QRFPR: variants seen among roughly 807,000 people sequenced by gnomAD.
The protein encoded by QRFPR is pyroglutamylated RF-amide peptide receptor.
QRFPR carries 37 observed loss-of-function variants against 31.3 expected under a neutral mutation model. The observed-to-expected ratio is 1.18, with a 90% CI of 0.91 to 1.56. The LOEUF is 1.56. Ranked by LOEUF, QRFPR falls within the 40% of genes most tolerant of loss-of-function variation. The pLI, the probability that QRFPR is intolerant of heterozygous loss-of-function variation, is 0.00. For missense variants in QRFPR, 542 were observed against 532.5 expected, an observed-to-expected ratio of 1.02 and a Z score of -0.18; for synonymous variants, 197 against 192.0, an observed-to-expected ratio of 1.03 and a Z score of -0.22.
intron 1 of QRFPR, among the ~76,000 whole-genome samples, chr4:121,343,555 T>C (rs1725584634): frequency 6.6e-6 from 1 of 152,244 alleles, no homozygotes; most frequent in African/African-American, 2.4e-5. Flanking sequence ...GAATAGTTAC[T>C]ATACTGTGAA....
chr4:121,374,733 A>G (rs1228530565), intron 1 of QRFPR, among the ~76,000 whole-genome samples: 1 of 152,248 alleles, frequency 6.6e-6, no homozygotes, highest in East Asian at 1.9e-4. Context: ...GAATTCTCAT[A>G]TCAGCTGCTG....
intron 1 of QRFPR, among the ~76,000 whole-genome samples, chr4:121,346,399 T>C (rs141472443): frequency 1.3e-5 from 2 of 152,336 alleles, no homozygotes; most frequent in Non-Finnish European, 1.5e-5. Context: ...TTATCTTATA[T>C]GCTGTGACCT....
intron 1 of QRFPR, among the ~76,000 whole-genome samples, chr4:121,376,471 A>G (rs1424029877): frequency 6.6e-6 from 1 of 152,102 alleles, no homozygotes; most frequent in East Asian, 1.9e-4. Flanking sequence ...TGGTCCCAGC[A>G]GTGTACAAAA....
chr4:121,364,750 G>C (rs1180010922), intron 1 of QRFPR, among the ~76,000 whole-genome samples: 1 of 150,060 alleles, frequency 6.7e-6, no homozygotes, highest in Non-Finnish European at 1.5e-5. Context: ...CTTTGAGTTT[G>C]ACACTGTACC....
intron 3 of QRFPR, 123 bp downstream of exon 3, chr4:121,336,684 C>T (rs1174918193): frequency 1.3e-6 from 1 of 780,302 alleles, no homozygotes; most frequent in East Asian, 2.4e-5. Flanking sequence ...AAAAGACCTC[C>T]AGTGGAATAG....
Position 121,368,004 on chromosome 4 carries a change from G to A in QRFPR, c.340+12304C>T, listed in dbSNP as rs535186376. Among the ~76,000 whole-genome samples, 267 of 149,480 alleles carry A rather than the reference G, an allele frequency of 1.8e-3. 15 individuals carry two copies. The highest frequency in any genetic ancestry group is 6.1e-3 in the African/African-American group (247 of 40,360). ...CCAGGGCCTCTCTATGGAAAGGCCA[G>A]CTTCTTACACAGACAAGGTACTATC... On this transcript the variant is annotated intron_variant, in intron 1 of 5. Coordinates refer to ENST00000394427, the MANE Select transcript of QRFPR (RefSeq NM_198179.3).
At chr4:121,348,785 A>G (rs1725707449) in intron 1 of QRFPR, among the ~76,000 whole-genome samples, 1 of 152,040 alleles carries the variant, frequency 6.6e-6, no homozygotes, top group Non-Finnish European at 1.5e-5. Context: ...TGTCAGCTTG[A>G]TTTTTGCTCC....
Position 121,380,476 on chromosome 4 carries a change from G to C in QRFPR, c.172C>G (p.Leu58Val). ...LVLTGVLIFA[L>V]ALFGNALVFY... Reference sequence around the variant, plus strand: ...ACCAGAGCATTGCCAAAGAGCGCCAGGGCGAAGATGAGCACGCCGGTGAGC... The same window carrying C: ...ACCAGAGCATTGCCAAAGAGCGCCACGGCGAAGATGAGCACGCCGGTGAGC... Residue 58 changes from leucine to valine, a missense_variant, in exon 1 of 6, where the codon CTG (leucine) becomes GTG (valine). Coordinates refer to ENST00000394427, the MANE Select transcript of QRFPR (RefSeq NM_198179.3). The C allele has an allele frequency of 6.2e-7, 1 of 1,614,256 alleles. No homozygotes were observed. Among genetic ancestry groups the C allele is most frequent in the Non-Finnish European group, 8.5e-7 (1 of 1,180,044 alleles).
At chr4:121,365,550 A>ATTATATAATATATATATTAT (rs1560743676) in intron 1 of QRFPR, among the ~76,000 whole-genome samples, 14 of 7,914 alleles carry the variant, frequency 1.8e-3, no homozygotes, top group East Asian at 9.5e-3. Flanking sequence ...TATTATATAT[A>ATTATATAATATATATATTAT]ATATATAATA....
At chr4:121,345,354 C>T (rs1224738147) in intron 1 of QRFPR, among the ~76,000 whole-genome samples, 4 of 152,226 alleles carry the variant, frequency 2.6e-5, no homozygotes, top group African/African-American at 9.6e-5. Context: ...TTCAGCTTCA[C>T]GCTGATCCTG....
At chr4:121,369,974 C>A in intron 1 of QRFPR, 1 of 765,036 alleles carries the variant, frequency 1.3e-6, no homozygotes, top group South Asian at 1.4e-5. Flanking sequence ...CTCAGCCCTG[C>A]CTGTTGCCCA....
chr4:121,331,168 A>T (rs1725314383), intron 4 of QRFPR, among the ~76,000 whole-genome samples: 1 of 135,694 alleles, frequency 7.4e-6, no homozygotes, highest in South Asian at 2.3e-4. Context: ...TATACGATAT[A>T]TCTTGGGTTT....
chr4:121,350,719 TATA>T (rs755979391), intron 1 of QRFPR, among the ~76,000 whole-genome samples: 1 of 152,202 alleles, frequency 6.6e-6, no homozygotes, highest in Non-Finnish European at 1.5e-5. Context: ...TCATTTTTCT[TATA>T]ATATTAGATT....
intron 1 of QRFPR, among the ~76,000 whole-genome samples, chr4:121,342,498 C>T (rs928643136): frequency 6.6e-6 from 1 of 152,164 alleles, no homozygotes; most frequent in Non-Finnish European, 1.5e-5. Flanking sequence ...CTCTAACAAT[C>T]ATATTTGTAA....
intron 1 of QRFPR, among the ~76,000 whole-genome samples, chr4:121,375,166 A>T (rs1428996642): frequency 1.3e-5 from 2 of 152,144 alleles, no homozygotes; most frequent in East Asian, 3.8e-4. Flanking sequence ...TTCAGAATTA[A>T]CATTCCTATG....
rs980572785 is a variant in QRFPR at position 121,367,038 on chromosome 4, C to G, written c.340+13270G>C. The stretch of plus-strand genomic sequence containing the variant: ...CACCCTGGTGTCCAAATTGAGGTGC[C>G]GTCATGTACCTCTTTAGGCTATGAA... On this transcript the variant is annotated intron_variant, in intron 1 of 5. Coordinates refer to ENST00000394427, the MANE Select transcript of QRFPR (RefSeq NM_198179.3). 2.7e-5 allele frequency among the ~76,000 whole-genome samples: 4 copies of G among 149,988 alleles called. 1 individual carries two copies. Among genetic ancestry groups the G allele is most frequent in the Non-Finnish European group, 5.9e-5 (4 of 67,590 alleles).
chr4:121,338,433 A>T (rs566356868), intron 2 of QRFPR, among the ~76,000 whole-genome samples: 7 of 152,328 alleles, frequency 4.6e-5, no homozygotes, highest in Admixed American at 3.9e-4. Context: ...TCCAATCTGC[A>T]TGTGGCCTAG....
intron 1 of QRFPR, among the ~76,000 whole-genome samples, chr4:121,343,648 A>G (rs1350891416): frequency 6.6e-6 from 1 of 151,350 alleles, no homozygotes; most frequent in African/African-American, 2.4e-5. Flanking sequence ...CTGCATATTT[A>G]TCCTAGGTTT....
intron 1 of QRFPR, among the ~76,000 whole-genome samples, chr4:121,365,991 A>T (rs1380849111): frequency 6.7e-6 from 1 of 148,432 alleles, no homozygotes; most frequent in Non-Finnish European, 1.5e-5. Flanking sequence ...TTTCACAAAG[A>T]TCTATGAGGA....
Sources: gnomAD v4.1 joint callset for allele counts (sites outside exome capture counted in the v4.1 genomes callset) on GRCh38, gnomAD v4.1.1 for gene constraint, MANE v1.5 for transcripts, NCBI Gene and HGNC (gene_info 2026-07-23, HGNC 2026-07-21) for gene names.